The following FGF12 variants were observed in gnomAD, a reference collection of about 807,000 sequenced individuals.
The protein encoded by FGF12 is fibroblast growth factor 12.
Under a neutral mutation model 23.6 loss-of-function variants are expected in FGF12, and 14 were observed. The ratio of observed to expected loss-of-function variants is 0.59; its 90% CI spans 0.39 to 0.93. The LOEUF (loss-of-function observed/expected upper bound fraction) is 0.93, where lower values mean the gene tolerates loss of function less well. FGF12 is among the 40% of genes least tolerant of loss of function. The pLI, the probability that FGF12 is intolerant of heterozygous loss-of-function variation, is 0.00. For synonymous variants in FGF12, 62 were observed against 77.3 expected, an observed-to-expected ratio of 0.80 and a Z score of 1.04; for missense variants, 175 against 217.8, an observed-to-expected ratio of 0.80 and a Z score of 1.24.
chr3:192,288,075 T>A (rs1045446335), intron 4 of FGF12, among the ~76,000 whole-genome samples: 2 of 148,568 alleles, frequency 1.3e-5, no homozygotes, highest in Admixed American at 6.8e-5. Flanking sequence ...ATAAAAAAAA[T>A]CTTCCAAAAG....
intron 5 of FGF12, among the ~76,000 whole-genome samples, chr3:192,158,302 C>T (rs1022129694): frequency 4.7e-5 from 7 of 149,062 alleles, no homozygotes; most frequent in Admixed American, 2.7e-4. Context: ...GACCTGCCTG[C>T]TTTTCCCTTT....
chr3:192,547,396 C>A (rs1725521937), intron 2 of FGF12, among the ~76,000 whole-genome samples: 1 of 152,194 alleles, frequency 6.6e-6, no homozygotes, highest in South Asian at 2.1e-4. Context: ...TCAACTCCCT[C>A]AAGTTCACCA....
intron 4 of FGF12, among the ~76,000 whole-genome samples, chr3:192,246,274 G>A (rs533125848): frequency 6.6e-6 from 1 of 152,228 alleles, no homozygotes; most frequent in African/African-American, 2.4e-5. Flanking sequence ...GTGACAACAG[G>A]TGACATCAAG....
intron 2 of FGF12, among the ~76,000 whole-genome samples, chr3:192,412,673 C>T (rs1432496485): frequency 6.6e-6 from 1 of 152,114 alleles, no homozygotes; most frequent in East Asian, 1.9e-4. Flanking sequence ...TTAGCTAAGA[C>T]CTAAATATAT....
chr3:192,552,993 C>A (rs1577050331), intron 2 of FGF12, among the ~76,000 whole-genome samples: 1 of 152,034 alleles, frequency 6.6e-6, no homozygotes, highest in Non-Finnish European at 1.5e-5. Context: ...TTTTTAAAGT[C>A]AAGCCAGTAT....
Position 192,628,672 on chromosome 3 carries a change from TA to T in FGF12, c.13+98508del, listed in dbSNP as rs534487709. 9.3e-4 allele frequency among the ~76,000 whole-genome samples: 140 copies of T among 149,802 alleles called. 2 individuals carry two copies. The highest frequency in any genetic ancestry group is 3.3e-3 in the African/African-American group (134 of 41,032). ...ATGTATATATAGCAAATATATACAT[TA>T]AAAAAGTATATATACATTTATGTAT... On this transcript the variant is annotated intron_variant, in intron 2 of 5. Coordinates refer to ENST00000445105, the MANE Select transcript of FGF12 (RefSeq NM_004113.6).
chr3:192,719,969 C>T (rs1015408805), intron 2 of FGF12, among the ~76,000 whole-genome samples: 4 of 152,182 alleles, frequency 2.6e-5, no homozygotes, highest in South Asian at 2.1e-4. Context: ...ACCTGTTTCA[C>T]GTGGGTGATA....
rs191208072 is a variant in FGF12 at position 192,515,108 on chromosome 3, T to C, written c.14-154570A>G. The C allele has an allele frequency of 3.6e-3, 550 of 152,134 alleles. 1 individual carries two copies. Among genetic ancestry groups the C allele is most frequent in the Non-Finnish European group, 6.5e-3 (445 of 68,152 alleles). 9.4% of individuals were successfully genotyped at this position (152,134 alleles called of 1,614,324 possible). On this transcript the variant is annotated intron_variant, in intron 2 of 5. Transcript: ENST00000445105. ...CTTACAGGTGCCTTCTGGACCGGGG[T>C]CCTTGGCACCTCCCCTGCTCCTGCC...
intron 2 of FGF12, among the ~76,000 whole-genome samples, chr3:192,693,816 T>A (rs1482420142): frequency 6.6e-6 from 1 of 152,152 alleles, no homozygotes; most frequent in African/African-American, 2.4e-5. Context: ...TGAAAAAGAC[T>A]TACTAATATT....
chr3:192,275,418 C>A (rs551832914), intron 4 of FGF12, among the ~76,000 whole-genome samples: 1 of 152,234 alleles, frequency 6.6e-6, no homozygotes, highest in South Asian at 2.1e-4. Flanking sequence ...GTTTGTAAAA[C>A]CAAACTCTGT....
intron 4 of FGF12, among the ~76,000 whole-genome samples, chr3:192,263,133 T>G (rs1029059186): frequency 6.6e-6 from 1 of 152,050 alleles, no homozygotes; most frequent in Non-Finnish European, 1.5e-5. Flanking sequence ...AGCAAAATAG[T>G]AAGTATATAG....
intron 2 of FGF12, among the ~76,000 whole-genome samples, chr3:192,367,438 A>G (rs1300893053): frequency 6.6e-6 from 1 of 152,200 alleles, no homozygotes; most frequent in Non-Finnish European, 1.5e-5. Flanking sequence ...AGACTTCAAA[A>G]TTAGACTATT....
chr3:192,173,748 T>C (rs2108623724), intron 4 of FGF12, among the ~76,000 whole-genome samples: 1 of 152,310 alleles, frequency 6.6e-6, no homozygotes, highest in African/African-American at 2.4e-5. Flanking sequence ...TTTCAGACTT[T>C]ATAAAGAAGT....
chr3:192,277,091 T>C (rs1057368812), intron 4 of FGF12, among the ~76,000 whole-genome samples: 1 of 152,222 alleles, frequency 6.6e-6, no homozygotes, highest in Non-Finnish European at 1.5e-5. Flanking sequence ...CAAATTTATA[T>C]GCCTTTTTCC....
rs1005144252 is a variant in FGF12 at position 192,142,823 on chromosome 3, C to G, written c.*1186G>C. The G allele has an allele frequency of 6.6e-6, 1 of 152,012 alleles. No homozygotes were observed. Among genetic ancestry groups the G allele is most frequent in the Non-Finnish European group, 1.5e-5 (1 of 67,962 alleles). 9.4% of individuals were successfully genotyped at this position (152,012 alleles called of 1,614,324 possible). On this transcript the variant is annotated 3_prime_UTR_variant, in exon 6 of 6. Coordinates refer to ENST00000445105, the MANE Select transcript of FGF12 (RefSeq NM_004113.6). ...AAACTGGACTTGTAACAGGATCATACATAGAGCAACAAATTAGCTACTGGC... is the reference window on the plus strand; with the variant it reads ...AAACTGGACTTGTAACAGGATCATAGATAGAGCAACAAATTAGCTACTGGC...
intron 5 of FGF12, among the ~76,000 whole-genome samples, chr3:192,145,985 C>T (rs1301475730): frequency 1.3e-5 from 2 of 152,078 alleles, no homozygotes; most frequent in East Asian, 3.9e-4. Flanking sequence ...AAAATACAAC[C>T]ATTTACATAA....
At chr3:192,300,789 G>A (rs1238416722) in intron 4 of FGF12, among the ~76,000 whole-genome samples, 3 of 151,922 alleles carry the variant, frequency 2.0e-5, no homozygotes, top group Admixed American at 2.0e-4. Flanking sequence ...GGCCAAGGGG[G>A]GCTGAGCACT....
intron 2 of FGF12, chr3:192,521,211 A>G (rs1724803915): frequency 6.6e-6 from 1 of 152,128 alleles, no homozygotes; most frequent in East Asian, 1.9e-4. Flanking sequence ...GTAATGTTTT[A>G]ATTTGCATAT....
chr3:192,496,156 G>A (rs1445472701), intron 2 of FGF12, among the ~76,000 whole-genome samples: 3 of 152,120 alleles, frequency 2.0e-5, no homozygotes, highest in Non-Finnish European at 4.4e-5. Flanking sequence ...AAGAAAAGCC[G>A]AAGCAAGATG....
Sources: gnomAD v4.1 joint callset for allele counts (sites outside exome capture counted in the v4.1 genomes callset) on GRCh38, gnomAD v4.1.1 for gene constraint, MANE v1.5 for transcripts, NCBI Gene and HGNC (gene_info 2026-07-23, HGNC 2026-07-21) for gene names.